CSMD1: variants seen among roughly 807,000 people sequenced by gnomAD.
CSMD1 encodes the protein CUB and Sushi multiple domains 1.
A neutral mutation model predicts 417.5 loss-of-function variants in CSMD1; 213 were observed. That is an observed-to-expected ratio of 0.51 (90% CI 0.46 to 0.57). The LOEUF (loss-of-function observed/expected upper bound fraction) is 0.57, where lower values mean the gene tolerates loss of function less well. Among genes scored for constraint, CSMD1 ranks in the 20% least tolerant of loss-of-function variants. CSMD1 has a pLI of 0.00. For missense variants in CSMD1, 6,923 were observed against 4,529.7 expected (o/e 1.53, Z -15.17); for synonymous variants, 2,862 against 1,736.8 (o/e 1.65, Z -16.11).
chr8:3,658,536 A>G (rs1026137448), intron 7 of CSMD1, among the ~76,000 whole-genome samples: 2 of 150,888 alleles, frequency 1.3e-5, no homozygotes, highest in African/African-American at 4.9e-5. Flanking sequence ...TAATCCCAGC[A>G]CTTTGGGAGG....
At chr8:4,517,964 A>G (rs918769837) in intron 2 of CSMD1, among the ~76,000 whole-genome samples, 3 of 152,186 alleles carry the variant, frequency 2.0e-5, no homozygotes, top group Non-Finnish European at 4.4e-5. Flanking sequence ...AGCTATGATA[A>G]AATTCTAAAC....
intron 40 of CSMD1, among the ~76,000 whole-genome samples, chr8:3,144,541 G>A (rs1262021880): frequency 6.6e-6 from 1 of 151,958 alleles, no homozygotes; most frequent in African/African-American, 2.4e-5. Context: ...CTATAGACCG[G>A]TACTACATCG....
At chr8:3,032,899 C>G (rs931438843) in intron 50 of CSMD1, among the ~76,000 whole-genome samples, 1 of 152,006 alleles carries the variant, frequency 6.6e-6, no homozygotes, top group Non-Finnish European at 1.5e-5. Flanking sequence ...AAATTTTCCT[C>G]ATAAGTTTAA....
At chr8:3,899,880 C>T (rs1225733990) in intron 5 of CSMD1, among the ~76,000 whole-genome samples, 2 of 152,172 alleles carry the variant, frequency 1.3e-5, no homozygotes, top group Admixed American at 6.5e-5. Context: ...TTACTCCAAA[C>T]CCTGAGCTTA....
intron 1 of CSMD1, among the ~76,000 whole-genome samples, chr8:4,972,372 G>C (rs993241842): frequency 3.3e-5 from 5 of 152,084 alleles, no homozygotes; most frequent in South Asian, 2.1e-4. Flanking sequence ...TGAATCATGG[G>C]AGCAGTTCCC....
chr8:4,794,731 G>T (rs1797881133), intron 1 of CSMD1, among the ~76,000 whole-genome samples: 1 of 152,150 alleles, frequency 6.6e-6, no homozygotes, highest in Admixed American at 6.6e-5. Flanking sequence ...CAGGAAAAAA[G>T]CTCTGAACAG....
At chr8:3,349,794 T>C (rs1180321293) in intron 21 of CSMD1, among the ~76,000 whole-genome samples, 3 of 95,830 alleles carry the variant, frequency 3.1e-5, no homozygotes, top group Non-Finnish European at 6.4e-5. Context: ...TATAAATATA[T>C]CTATAAATAG....
At chr8:3,306,719 G>C (rs1427775406) in intron 25 of CSMD1, among the ~76,000 whole-genome samples, 1 of 152,134 alleles carries the variant, frequency 6.6e-6, no homozygotes, top group East Asian at 1.9e-4. Context: ...AGGACTGTGT[G>C]TCCACTTCAT....
intron 5 of CSMD1, among the ~76,000 whole-genome samples, chr8:3,971,634 A>G (rs1181485752): frequency 6.6e-6 from 1 of 152,146 alleles, no homozygotes; most frequent in African/African-American, 2.4e-5. Flanking sequence ...TCCTCAAGGG[A>G]GTCTCAAGAC....
intron 12 of CSMD1, among the ~76,000 whole-genome samples, chr8:3,421,729 C>T (rs1813499768): frequency 6.6e-6 from 1 of 152,182 alleles, no homozygotes; most frequent in African/African-American, 2.4e-5. Flanking sequence ...CCTCCACCTC[C>T]CAGGTTCAAG....
At chr8:3,870,821 G>C (rs192097943) in intron 5 of CSMD1, among the ~76,000 whole-genome samples, 236 of 152,210 alleles carry the variant, frequency 1.6e-3, no homozygotes, top group Admixed American at 2.0e-3. Context: ...ACACAGGAGA[G>C]AAAGAAGCAT....
intron 31 of CSMD1, among the ~76,000 whole-genome samples, chr8:3,204,573 CG>C (rs1454673455): frequency 6.6e-6 from 1 of 152,044 alleles, no homozygotes; most frequent in Non-Finnish European, 1.5e-5. Context: ...GCATTACATT[CG>C]TAAGAGGCCC....
chr8:4,272,696 G>C (rs905425217), intron 3 of CSMD1, among the ~76,000 whole-genome samples: 4 of 152,104 alleles, frequency 2.6e-5, no homozygotes, highest in Non-Finnish European at 5.9e-5. Flanking sequence ...ATATTTGGAA[G>C]ACTGTACATT....
intron 5 of CSMD1, among the ~76,000 whole-genome samples, chr8:3,940,311 A>G (rs1810790881): frequency 6.6e-6 from 1 of 152,006 alleles, no homozygotes; most frequent in Non-Finnish European, 1.5e-5. Context: ...TTATATATAC[A>G]CTTAATATTT....
chr8:4,642,996 G>A (rs1000160746), intron 1 of CSMD1, among the ~76,000 whole-genome samples: 2 of 152,230 alleles, frequency 1.3e-5, no homozygotes, highest in Non-Finnish European at 2.9e-5. Context: ...CAGAGGAACA[G>A]TCTGGAGATG....
At chr8:3,024,324 G>C (rs1387545131) in intron 51 of CSMD1, among the ~76,000 whole-genome samples, 2 of 150,952 alleles carry the variant, frequency 1.3e-5, no homozygotes, top group Non-Finnish European at 2.9e-5. Context: ...GGGGAGGTTG[G>C]GGACAGAGTA....
At chr8:4,821,314 T>C (rs1799511633) in intron 1 of CSMD1, among the ~76,000 whole-genome samples, 1 of 152,154 alleles carries the variant, frequency 6.6e-6, no homozygotes, top group Non-Finnish European at 1.5e-5. Flanking sequence ...ATCCAATCCA[T>C]TTAAGAATCC....
intron 5 of CSMD1, among the ~76,000 whole-genome samples, chr8:3,864,778 G>A (rs144574264): frequency 1.3e-5 from 2 of 152,274 alleles, no homozygotes; most frequent in South Asian, 2.1e-4. Flanking sequence ...TGGTTAACTA[G>A]ATGTTATTAT....
chr8:3,818,047 C>G (rs1042092262), intron 5 of CSMD1, among the ~76,000 whole-genome samples: 2 of 152,156 alleles, frequency 1.3e-5, no homozygotes, highest in Non-Finnish European at 2.9e-5. Flanking sequence ...GACTCTCGTT[C>G]TATTCGGCTT....
Sources: gnomAD v4.1 joint callset for allele counts (sites outside exome capture counted in the v4.1 genomes callset) on GRCh38, gnomAD v4.1.1 for gene constraint, MANE v1.5 for transcripts, NCBI Gene and HGNC (gene_info 2026-07-23, HGNC 2026-07-21) for gene names.